Variants in DCAF6 observed in about 807,000 individuals in gnomAD.
DCAF6 encodes DDB1- and CUL4-associated factor 6.
In DCAF6, 54 loss-of-function variants were observed where a neutral mutation model predicts 125.1. The ratio of observed to expected loss-of-function variants is 0.43; its 90% CI spans 0.35 to 0.54. The LOEUF (loss-of-function observed/expected upper bound fraction) is 0.54, where lower values mean the gene tolerates loss of function less well. Ranked by LOEUF, DCAF6 falls within the 20% of genes least tolerant of loss-of-function variation. The pLI is 0.01. For missense variants in DCAF6, 934 were observed against 1,161.7 expected, an observed-to-expected ratio of 0.80 and a Z score of 2.85; for synonymous variants, 371 against 390.4, an observed-to-expected ratio of 0.95 and a Z score of 0.58.
chr1:168,061,448 A>G (rs1287308496), intron 17 of DCAF6, among the ~76,000 whole-genome samples: 2 of 152,098 alleles, frequency 1.3e-5, no homozygotes, highest in African/African-American at 4.8e-5. Flanking sequence ...TGCATATATA[A>G]TTTTATTCTA....
chr1:168,039,693 ATATT>A (rs1471225672), intron 13 of DCAF6, among the ~76,000 whole-genome samples: 1 of 144,400 alleles, frequency 6.9e-6, no homozygotes, highest in African/African-American at 2.7e-5. Flanking sequence ...AATATATTAA[ATATT>A]TAATTGTATA....
chr1:167,993,234 G>T lies in DCAF6; in HGVS notation c.697G>T (p.Ala233Ser), dbSNP rs766516732. 1 of 1,611,974 alleles carries T rather than the reference G, an allele frequency of 6.2e-7. No individual in the cohort carries two copies. Among genetic ancestry groups the T allele is most frequent in the Non-Finnish European group, 8.5e-7 (1 of 1,179,160 alleles). Residue 233 changes from alanine to serine, a missense_variant, in exon 7 of 22, where the codon GCA becomes TCA. Ala to Ser is a moderately conservative substitution (Grantham distance 99, BLOSUM62 1). Around this residue, in one of 5 missense-constraint regions of DCAF6, gnomAD observed 309 missense variants for 381.2 expected, o/e 0.81. Coordinates refer to ENST00000367840, the MANE Select transcript of DCAF6 (RefSeq NM_001198956.2). ...MLGTRATGNY[A>S]GRGTTGMVAR... is the part of the protein sequence containing the mutation. ...TCTTGTTTCTTTTTTAGGGAATTAT[G>T]CAGGTCGAGGGACTACTGGAATGGT...
chr1:167,863,919 C>G, the DCAF6 span, among the ~76,000 whole-genome samples: 1 of 152,156 alleles, frequency 6.6e-6, no homozygotes, highest in Admixed American at 6.6e-5. Flanking sequence ...TTTATCAGCA[C>G]TTGGTTTTGG....
At chr1:167,878,818 G>T in the DCAF6 span, among the ~76,000 whole-genome samples, 1 of 152,198 alleles carries the variant, frequency 6.6e-6, no homozygotes, top group East Asian at 1.9e-4. Flanking sequence ...TGTGCAGGGA[G>T]TTAGTTAGCC....
In DCAF6 at chr1:168,063,699, G is replaced by A; in HGVS notation, c.2379G>A (p.Leu793=). The change falls in exon 18 of 22, where the codon TTG becomes TTA. Residue 793 remains leucine (L), a synonymous_variant. Coordinates refer to ENST00000367840, the MANE Select transcript of DCAF6 (RefSeq NM_001198956.2). ...ERKEMEELDT[L]NIRRPLVKMV... ...AAGAAATGGAAGAATTGGATACTTT[G>A]AACATTAGAAGGCCGCTAGTAAAAA... 1 of 1,604,850 alleles carries A rather than the reference G, an allele frequency of 6.2e-7. No homozygotes were observed. The highest frequency in any genetic ancestry group is 8.5e-7 in the Non-Finnish European group (1 of 1,176,454).
the DCAF6 span, among the ~76,000 whole-genome samples, chr1:167,883,276 G>C: frequency 1.3e-5 from 2 of 152,216 alleles, no homozygotes; most frequent in East Asian, 3.8e-4. Flanking sequence ...GACCTCAAGT[G>C]ATCCGCCCAC....
At chr1:168,041,082 AC>A (rs1283830710) in intron 13 of DCAF6, among the ~76,000 whole-genome samples, 1 of 151,920 alleles carries the variant, frequency 6.6e-6, no homozygotes, top group Non-Finnish European at 1.5e-5. Context: ...TCCCTTGAAA[AC>A]GGGCATGTTT....
the DCAF6 span, chr1:167,880,461 C>A: frequency 6.5e-7 from 1 of 1,530,964 alleles, no homozygotes; most frequent in Non-Finnish European, 9.1e-7. Context: ...GGGTCAGGGA[C>A]CGCTGGGTGG....
At chr1:168,009,364 T>TTCCG (rs1683874329) in intron 10 of DCAF6, among the ~76,000 whole-genome samples, 1 of 140,340 alleles carries the variant, frequency 7.1e-6, no homozygotes, top group Non-Finnish European at 1.5e-5. Flanking sequence ...CCTTCCTTCC[T>TTCCG]TCCTTCCTTC....
intron 12 of DCAF6, among the ~76,000 whole-genome samples, chr1:168,024,202 G>A (rs1217989131): frequency 2.7e-5 from 4 of 146,934 alleles, no homozygotes; most frequent in Non-Finnish European, 5.9e-5. Context: ...GGGTGACAGA[G>A]TGAGACCCCC....
intron 10 of DCAF6, among the ~76,000 whole-genome samples, chr1:168,011,806 C>G (rs1684323424): frequency 6.6e-6 from 1 of 152,026 alleles, no homozygotes; most frequent in African/African-American, 2.4e-5. Flanking sequence ...GGTGAAACTC[C>G]ATTTCTACCA....
chr1:167,972,087 T>G (rs1389726163), intron 3 of DCAF6, among the ~76,000 whole-genome samples: 1 of 152,146 alleles, frequency 6.6e-6, no homozygotes, highest in Non-Finnish European at 1.5e-5. Context: ...AACTCCTGAC[T>G]TCAGGTGATC....
At chr1:167,987,129 G>A (rs1475002201) in intron 4 of DCAF6, among the ~76,000 whole-genome samples, 1 of 152,000 alleles carries the variant, frequency 6.6e-6, no homozygotes, top group Non-Finnish European at 1.5e-5. Flanking sequence ...CGTATTTATT[G>A]TACAATTATA....
rs376969219 is a variant in DCAF6, at chr1:168,059,578, G to C, written c.2301-4043G>C. Among the ~76,000 whole-genome samples the C allele has an allele frequency of 7.7e-4, 117 of 152,250 alleles. 1 individual carries two copies. The South Asian group carries it at 0.022, about 29-fold the overall frequency. On this transcript the variant is annotated intron_variant, in intron 17 of 21. Transcript: ENST00000367840. ...ATATGCTTATAGTTGTAATAAATCT[G>C]TAAAATAAATTTGGGTGAAAATTGT...
chr1:167,961,352 T>C (rs1486266761), intron 2 of DCAF6, among the ~76,000 whole-genome samples: 5 of 152,104 alleles, frequency 3.3e-5, no homozygotes, highest in East Asian at 3.9e-4. Flanking sequence ...ATGCCATTCT[T>C]CTGCCTCAGC....
chr1:167,887,073 T>C, the DCAF6 span, among the ~76,000 whole-genome samples: 4 of 151,992 alleles, frequency 2.6e-5, no homozygotes. Context: ...TGTGGAGAAA[T>C]AGGAACACTT....
the DCAF6 span, among the ~76,000 whole-genome samples, chr1:167,921,231 T>TC: frequency 1.4e-5 from 2 of 143,286 alleles, no homozygotes; most frequent in Admixed American, 6.9e-5. Flanking sequence ...GGTTAGATCA[T>TC]TTTTTTTTTT....
intron 21 of DCAF6, among the ~76,000 whole-genome samples, chr1:168,072,304 A>G (rs1382977334): frequency 1.4e-5 from 2 of 142,646 alleles, no homozygotes; most frequent in Non-Finnish European, 3.0e-5. Context: ...TAAAAAAAAA[A>G]AAAAAAAAAA....
At chr1:167,913,640 A>T in the DCAF6 span, among the ~76,000 whole-genome samples, 1 of 151,628 alleles carries the variant, frequency 6.6e-6, no homozygotes, top group Non-Finnish European at 1.5e-5. Context: ...TGTTTACTCC[A>T]CAGCACCTTG....
Sources: allele counts gnomAD v4.1 joint callset (sites outside exome capture counted in the v4.1 genomes callset), GRCh38; gene constraint gnomAD v4.1.1; regional missense constraint gnomAD v4.1.1; transcripts MANE v1.5; gene names NCBI Gene and HGNC (gene_info 2026-07-23, HGNC 2026-07-21).